Variants in ELAVL2 observed in about 807,000 individuals in gnomAD.
ELAVL2 encodes the protein ELAV-like protein 2.
ELAVL2 carries 4 observed loss-of-function variants against 34.6 expected under a neutral mutation model. The observed-to-expected ratio is 0.12, with a 90% confidence interval of 0.06 to 0.26. ELAVL2 has a LOEUF of 0.26. ELAVL2 is among the 10% of genes least tolerant of loss of function. ELAVL2 has a pLI of 1.00. For missense variants in ELAVL2, 432 were observed against 442.8 expected (o/e 0.98, Z 0.22); for synonymous variants, 193 against 154.8 (o/e 1.25, Z -1.83).
chr9:23,802,458 C>G (rs1183650982), intron 1 of ELAVL2, among the ~76,000 whole-genome samples: 1 of 152,142 alleles, frequency 6.6e-6, no homozygotes, highest in Non-Finnish European at 1.5e-5. Flanking sequence ...GACAATCTTA[C>G]CTCCAAAGTA....
intron 2 of ELAVL2, among the ~76,000 whole-genome samples, chr9:23,752,497 C>G (rs148010353): frequency 0.01 from 1,550 of 151,702 alleles, 32 homozygotes; most frequent in African/African-American, 0.036. Context: ...ATAGAGTCTC[C>G]CTCTGTCATC....
chr9:23,759,080 G>T (rs1023939061), intron 2 of ELAVL2, among the ~76,000 whole-genome samples: 5 of 152,030 alleles, frequency 3.3e-5, no homozygotes, highest in Admixed American at 3.3e-4. Context: ...TAACCCAAAA[G>T]AAATGAAATC....
chr9:23,786,850 T>A lies in ELAVL2; in HGVS notation c.-15-24601A>T, dbSNP rs2059756020. ...CTTTTAAAAATCTAAGCCACTGGAA[T>A]TTTAAAGTGACACCCACATGACCCA... On this transcript the variant is annotated intron_variant, in intron 1 of 6. Coordinates refer to ENST00000397312, the MANE Select transcript of ELAVL2 (RefSeq NM_004432.5). Among the ~76,000 whole-genome samples the A allele has an allele frequency of 2.0e-5, 3 of 150,708 alleles. No individual in the cohort carries two copies. The South Asian group carries it at 6.3e-4, about 32-fold the overall frequency.
intron 1 of ELAVL2, among the ~76,000 whole-genome samples, chr9:23,788,560 T>G (rs1588519037): frequency 6.6e-6 from 1 of 152,200 alleles, no homozygotes; most frequent in African/African-American, 2.4e-5. Context: ...CAGTACACTG[T>G]AATAAAAGTT....
upstream of ELAVL2, among the ~76,000 whole-genome samples, chr9:23,828,090 A>G (rs187198753): frequency 5.3e-5 from 8 of 152,306 alleles, no homozygotes; most frequent in Non-Finnish European, 7.4e-5. Flanking sequence ...CAAGGGGGAA[A>G]AGGAAGACTC....
rs569484761 is a variant in ELAVL2 at position 23,727,208 on chromosome 9, G to A, written c.333+3814C>T. ...ATTTCACCAGCAAGGTATGCCTCTG[G>A]GACATCTCCTTAACCAGGAAAAAAA... On this transcript the variant is annotated intron_variant, in intron 3 of 6. Transcript: ENST00000397312. 2.0e-4 allele frequency among the ~76,000 whole-genome samples: 30 copies of A among 152,126 alleles called. 2 individuals carry two copies. The South Asian group carries it at 4.4e-3, about 22-fold the overall frequency.
intron 1 of ELAVL2, among the ~76,000 whole-genome samples, chr9:23,796,308 TG>T (rs1729003480): frequency 6.6e-6 from 1 of 152,256 alleles, no homozygotes; most frequent in Non-Finnish European, 1.5e-5. Flanking sequence ...TAATAACCTT[TG>T]GGTAACTTGC....
At chr9:23,820,096 C>T (rs1377501805) in intron 1 of ELAVL2, among the ~76,000 whole-genome samples, 1 of 151,848 alleles carries the variant, frequency 6.6e-6, no homozygotes, top group Non-Finnish European at 1.5e-5. Flanking sequence ...ATGGAAACTC[C>T]AGGTCAGCTT....
chr9:23,818,424 CA>C (rs1414402336), intron 1 of ELAVL2, among the ~76,000 whole-genome samples: 1 of 152,162 alleles, frequency 6.6e-6, no homozygotes, highest in East Asian at 1.9e-4. Flanking sequence ...ATACCGGTTA[CA>C]AGCTGGAAAA....
At chr9:23,840,812 G>T in the ELAVL2 span, among the ~76,000 whole-genome samples, 1 of 151,996 alleles carries the variant, frequency 6.6e-6, no homozygotes, top group East Asian at 1.9e-4. Context: ...TACTTAATCA[G>T]TTTTTTCAGA....
At chr9:23,719,410 A>G (rs2043108882) in intron 3 of ELAVL2, among the ~76,000 whole-genome samples, 1 of 152,208 alleles carries the variant, frequency 6.6e-6, no homozygotes, top group South Asian at 2.1e-4. Flanking sequence ...GTGCACCAGG[A>G]TATACATATA....
At chr9:23,833,107 T>C in the ELAVL2 span, among the ~76,000 whole-genome samples, 1 of 151,968 alleles carries the variant, frequency 6.6e-6, no homozygotes, top group African/African-American at 2.4e-5. Context: ...AATTAGTGCT[T>C]TGTGTATCCT....
At chr9:23,752,540 C>T (rs917529172) in intron 2 of ELAVL2, among the ~76,000 whole-genome samples, 21 of 151,848 alleles carry the variant, frequency 1.4e-4, no homozygotes, top group African/African-American at 4.4e-4. Flanking sequence ...CTGCAACCTC[C>T]GCCTCCCGGG....
At chr9:23,708,761 C>A (rs1430983876) in intron 3 of ELAVL2, among the ~76,000 whole-genome samples, 1 of 152,124 alleles carries the variant, frequency 6.6e-6, no homozygotes, top group Non-Finnish European at 1.5e-5. Context: ...CCTGCCTCAG[C>A]CTTCCAAGTA....
intron 2 of ELAVL2, among the ~76,000 whole-genome samples, chr9:23,734,269 T>C (rs1024934754): frequency 6.6e-6 from 1 of 152,206 alleles, no homozygotes; most frequent in African/African-American, 2.4e-5. Flanking sequence ...GTATCGCAGA[T>C]GATACCAAGA....
Position 23,739,243 on chromosome 9 carries a change from T to G in ELAVL2, c.230-8118A>C, listed in dbSNP as rs552563542. ...CTGAAAGAAAGTGACTGAGATAGTG[T>G]AGCACGCTCAGCACCACAATGAAAA... is the stretch of plus-strand genomic sequence containing the variant. On this transcript the variant is annotated intron_variant, in intron 2 of 6. Transcript: ENST00000397312. 2.6e-5 allele frequency among the ~76,000 whole-genome samples: 4 copies of G among 152,280 alleles called. No individual in the cohort carries two copies. In the South Asian group the frequency reaches 8.3e-4, roughly 32 times the overall value.
intron 3 of ELAVL2, among the ~76,000 whole-genome samples, chr9:23,723,483 G>A (rs984307511): frequency 5.3e-5 from 8 of 151,866 alleles, no homozygotes; most frequent in Admixed American, 3.3e-4. Context: ...GTTAATGGGT[G>A]CAGCACACCA....
In ELAVL2 at chr9:23,783,874, G is replaced by A. The variant is rs559616564; in HGVS notation, c.-15-21625C>T. Among the ~76,000 whole-genome samples the A allele has an allele frequency of 3.3e-5, 5 of 152,250 alleles. No individual in the cohort carries two copies. In the South Asian group the frequency reaches 1.0e-3, roughly 32 times the overall value. On this transcript the variant is annotated intron_variant, in intron 1 of 6. Transcript: ENST00000397312. The stretch of plus-strand genomic sequence containing the variant: ...GTCATAGGTTCAAATAAAGGGCAAA[G>A]TACACATAGTTGCAATCATTTTTAA...
intron 1 of ELAVL2, among the ~76,000 whole-genome samples, chr9:23,824,722 G>A (rs1333240988): frequency 6.6e-6 from 1 of 152,166 alleles, no homozygotes; most frequent in African/African-American, 2.4e-5. Flanking sequence ...AAAGCCAAAT[G>A]ATTTCTCCTA....
Sources: allele counts gnomAD v4.1 joint callset (sites outside exome capture counted in the v4.1 genomes callset), GRCh38; gene constraint gnomAD v4.1.1; transcripts MANE v1.5; gene names NCBI Gene and HGNC (gene_info 2026-07-23, HGNC 2026-07-21).